The following ERMP1 variants were observed in gnomAD, a reference collection of about 807,000 sequenced individuals.
The protein encoded by ERMP1 is Felix-ina.
A neutral mutation model predicts 92.0 loss-of-function variants in ERMP1; 86 were observed. The observed-to-expected ratio is 0.93, with a 90% CI of 0.79 to 1.12. The LOEUF is 1.12. Ranked by LOEUF, ERMP1 falls within the 50% of genes most tolerant of loss-of-function variation. The probability of loss-of-function intolerance (pLI) is 0.00; values close to 1 mark genes in which losing one functional copy is unlikely to be tolerated. For synonymous variants in ERMP1, 530 were observed against 412.8 expected (o/e 1.28, Z -3.44); for missense variants, 1,342 against 1,116.3 (o/e 1.20, Z -2.88).
At chr9:5,864,844 G>A (rs1204827719) in intron 5 of ERMP1, among the ~76,000 whole-genome samples, 1 of 152,208 alleles carries the variant, frequency 6.6e-6, no homozygotes, top group Non-Finnish European at 1.5e-5. Flanking sequence ...TGTGGATGGT[G>A]AGTTCCAGTG....
chr9:5,814,647 T>G lies in ERMP1; in HGVS notation c.875-1612A>C, dbSNP rs144510614. On this transcript the variant is annotated intron_variant, in intron 4 of 14. Transcript: ENST00000339450. ...CAGGAGGCTGAGGCAGGAGAATTGC[T>G]TAGACCTGTGAGGTGAAGGCTGCAC... Among the ~76,000 whole-genome samples, 242 of 152,272 alleles carry G rather than the reference T, an allele frequency of 1.6e-3. 3 individuals carry two copies. Among genetic ancestry groups the G allele is most frequent in the African/African-American group, 5.6e-3 (232 of 41,554 alleles).
intron 8 of ERMP1, among the ~76,000 whole-genome samples, chr9:5,808,640 A>G (rs1305710694): frequency 1.3e-5 from 2 of 152,248 alleles, no homozygotes; most frequent in East Asian, 3.8e-4. Flanking sequence ...CATGGAGCTA[A>G]GAAAGATCTT....
chr9:5,812,103 A>T, intron 6 of ERMP1, 22 bp downstream of exon 6: 1 of 1,442,328 alleles, frequency 6.9e-7, no homozygotes, highest in African/African-American at 1.4e-5. Context: ...TGTATATCAA[A>T]AGTCTAAATT....
intron 6 of ERMP1, among the ~76,000 whole-genome samples, chr9:5,851,292 T>A (rs543714048): frequency 7.9e-5 from 12 of 152,230 alleles, no homozygotes; most frequent in Non-Finnish European, 1.3e-4. Context: ...CTTATTTTCC[T>A]GTCATAGCTT....
chr9:5,830,922 C>G lies in ERMP1; in HGVS notation c.445G>C (p.Val149Leu). 6.2e-7 allele frequency: 1 copy of G among 1,614,116 alleles called. No individual in the cohort carries two copies. Among genetic ancestry groups the G allele is most frequent in the Non-Finnish European group, 8.5e-7 (1 of 1,179,966 alleles). Residue 149 changes from valine to leucine, a missense_variant, in exon 2 of 15, where the codon GTG (valine) becomes CTG (leucine). Coordinates refer to ENST00000339450, the MANE Select transcript of ERMP1 (RefSeq NM_024896.3). ...ATCTTATGAAGGCTGTTGCTTTGCA[C>G]TTCAATCAGTTTAATCTGTTCCAAA... ...YLLEQIKLIE[V>L]QSNSLHKISV... is the part of the protein sequence containing the mutation.
chr9:5,853,253 G>A (rs1161985108), intron 6 of ERMP1, among the ~76,000 whole-genome samples: 1 of 152,196 alleles, frequency 6.6e-6, no homozygotes, highest in Non-Finnish European at 1.5e-5. Flanking sequence ...GGAAATTTAT[G>A]TCCTGCTTCT....
intron 6 of ERMP1, among the ~76,000 whole-genome samples, chr9:5,853,694 C>G (rs958684777): frequency 6.6e-6 from 1 of 151,658 alleles, no homozygotes; most frequent in Admixed American, 6.6e-5. Context: ...GCCCATCTCT[C>G]CAGGAAGTGG....
chr9:5,825,848 G>A (rs553948529), intron 2 of ERMP1, among the ~76,000 whole-genome samples: 10 of 152,280 alleles, frequency 6.6e-5, no homozygotes, highest in African/African-American at 2.4e-4. Flanking sequence ...TTGAATCTCT[G>A]AACCTCTTCT....
intron 6 of ERMP1, among the ~76,000 whole-genome samples, chr9:5,853,903 C>T (rs1830340427): frequency 6.6e-6 from 1 of 151,414 alleles, no homozygotes; most frequent in African/African-American, 2.4e-5. Flanking sequence ...GACTCTCTGT[C>T]TTCCAGACAG....
rs1828845732 is a variant in ERMP1, at chr9:5,805,718, A to G, written c.1616T>C (p.Leu539Pro). Residue 539 changes from leucine to proline, a missense_variant, in exon 9 of 15, where the codon CTT (leucine) becomes CCT (proline). Leu to Pro is a moderately conservative substitution (Grantham distance 98). Transcript: ENST00000339450. ...AAGTCCTTGGTAAGTGAGGGTAACAAGAAAACAGCAATGGACAAACAGCGA... is the reference window on the plus strand; with the variant it reads ...AAGTCCTTGGTAAGTGAGGGTAACAGGAAAACAGCAATGGACAAACAGCGA... Reference protein sequence around the residue: ...DISLFVHCCFLVTLTYQGLCS... With the variant: ...DISLFVHCCFPVTLTYQGLCS... 1 of 1,613,502 alleles carries G rather than the reference A, an allele frequency of 6.2e-7. No individual in the cohort carries two copies. Among genetic ancestry groups the G allele is most frequent in the Non-Finnish European group, 8.5e-7 (1 of 1,179,860 alleles).
intron 8 of ERMP1, among the ~76,000 whole-genome samples, chr9:5,809,370 C>T (rs984113878): frequency 1.3e-5 from 2 of 152,200 alleles, no homozygotes; most frequent in Non-Finnish European, 2.9e-5. Context: ...GCATTTGAAA[C>T]CATAATAATA....
At chr9:5,808,872 G>C (rs572156374) in intron 8 of ERMP1, among the ~76,000 whole-genome samples, 32 of 152,202 alleles carry the variant, frequency 2.1e-4, no homozygotes, top group African/African-American at 7.5e-4. Flanking sequence ...CAGGTAGCTG[G>C]GACTACAGGC....
In ERMP1 at chr9:5,862,668, T is replaced by C. The variant is rs116691465; in HGVS notation, n.3056-3057A>G. 6.5e-3 allele frequency among the ~76,000 whole-genome samples: 988 copies of C among 152,272 alleles called. 8 individuals carry two copies. Among genetic ancestry groups the C allele is most frequent in the African/African-American group, 0.022 (918 of 41,566 alleles). On this transcript the variant is annotated intron_variant and non_coding_transcript_variant, in intron 5 of 6. Transcript: ENST00000690753. ...GGCTAAAAATCACATTTCTTCATTT[T>C]ATACATAACATTGGTGCCTAAACCA...
At chr9:5,857,015 CTTT>C (rs906160248) in intron 6 of ERMP1, among the ~76,000 whole-genome samples, 24 of 151,842 alleles carry the variant, frequency 1.6e-4, no homozygotes, top group South Asian at 2.1e-4. Flanking sequence ...TGGACCATGA[CTTT>C]TTTTTCTTTT....
intron 8 of ERMP1, among the ~76,000 whole-genome samples, chr9:5,806,428 C>CT (rs772362220): frequency 0.023 from 3,264 of 140,234 alleles, 112 homozygotes; most frequent in African/African-American, 0.075. Flanking sequence ...GCCATATAAA[C>CT]TTTTTTTTTT....
At chr9:5,824,721 A>G (rs897287878) in intron 3 of ERMP1, among the ~76,000 whole-genome samples, 3 of 152,178 alleles carry the variant, frequency 2.0e-5, no homozygotes, top group Admixed American at 2.0e-4. Context: ...TTTAAAAAGA[A>G]AGAAAAAAAA....
rs1461094893 is a variant in ERMP1 at position 5,832,976 on chromosome 9, C to G, written c.52G>C (p.Glu18Gln). The change falls in exon 1 of 15, where the codon GAG (glutamate) becomes CAG (glutamine). Residue 18 changes from glutamate (E) to glutamine (Q), a missense_variant. By Grantham distance (29) the Glu-to-Gln change is conservative (BLOSUM62 2). Transcript: ENST00000339450. ...GCGGCCGCCGCTCCCTCTCGACGCT[C>G]TACTCCGACGCGGTGCCGCCTCACA... ...AAVRRHRVGVERREGAAAAPP... is the reference protein window; with the variant it reads ...AAVRRHRVGVQRREGAAAAPP... 1.9e-6 allele frequency: 3 copies of G among 1,564,020 alleles called. No homozygotes were observed. The highest frequency in any genetic ancestry group is 2.3e-5 in the South Asian group (2 of 86,994).
At chr9:5,807,771 A>G (rs1214467865) in intron 8 of ERMP1, among the ~76,000 whole-genome samples, 1 of 151,870 alleles carries the variant, frequency 6.6e-6, no homozygotes, top group African/African-American at 2.4e-5. Flanking sequence ...AAAAAAACGG[A>G]AACAATTCAA....
chr9:5,850,153 T>C (rs930227488), intron 6 of ERMP1, among the ~76,000 whole-genome samples: 4 of 151,974 alleles, frequency 2.6e-5, no homozygotes, highest in Admixed American at 2.6e-4. Flanking sequence ...ACTCTGTGGA[T>C]CATCGGCATC....
Sources: allele counts gnomAD v4.1 joint callset (sites outside exome capture counted in the v4.1 genomes callset), GRCh38; gene constraint gnomAD v4.1.1; transcripts MANE v1.5; gene names NCBI Gene and HGNC (gene_info 2026-07-23, HGNC 2026-07-21).